IFT140: variants seen among roughly 807,000 people sequenced by gnomAD.
IFT140 encodes intraflagellar transport 140.
A neutral mutation model predicts 164.6 loss-of-function variants in IFT140; 133 were observed. The ratio of observed to expected loss-of-function variants is 0.81; its 90% CI spans 0.70 to 0.93. The LOEUF (loss-of-function observed/expected upper bound fraction) is 0.93, where lower values mean the gene tolerates loss of function less well. IFT140 is among the 40% of genes least tolerant of loss of function. The pLI is 0.00. For synonymous variants in IFT140, 860 were observed against 817.3 expected (o/e 1.05, Z -0.89); for missense variants, 2,045 against 1,972.3 (o/e 1.04, Z -0.70).
At chr16:1,595,537 T>G (rs900174219) in intron 4 of IFT140, among the ~76,000 whole-genome samples, 1 of 146,260 alleles carries the variant, frequency 6.8e-6, no homozygotes, top group Admixed American at 6.9e-5. Context: ...ATCACTTGAA[T>G]CTGGGAGGTG....
At chr16:1,561,435 C>G (rs566213702) in intron 18 of IFT140, among the ~76,000 whole-genome samples, 2 of 152,298 alleles carry the variant, frequency 1.3e-5, no homozygotes, top group South Asian at 4.1e-4. Flanking sequence ...CACGTCCATG[C>G]ATGAGTCACA....
At chr16:1,532,329 C>G (rs1264324600) in intron 19 of IFT140, 2 of 152,322 alleles carry the variant, frequency 1.3e-5, no homozygotes, top group Non-Finnish European at 2.9e-5. Flanking sequence ...CGGGGAAAAT[C>G]CCCCCCAGGC....
chr16:1,524,012 C>A, intron 24 of IFT140, 56 bp from the exon 25 acceptor site: 12 of 1,583,980 alleles, frequency 7.6e-6, no homozygotes, highest in Non-Finnish European at 1.0e-5. Context: ...CCCAGGTCCG[C>A]TGAGATTCTG....
In IFT140 at chr16:1,520,491, A is replaced by G. The variant is rs2040489750; in HGVS notation, c.3660+111T>C. ...GTGGTTGTGCTCTTCCTGGCCAGAA[A>G]GGCTCAGCCCTAGCTTGGGGTCATC... On this transcript the variant is annotated intron_variant, in intron 27 of 30. Coordinates refer to ENST00000426508, the MANE Select transcript of IFT140 (RefSeq NM_014714.4). 4.4e-6 allele frequency: 6 copies of G among 1,367,582 alleles called. No homozygotes were observed. In the East Asian group the frequency reaches 7.4e-5, roughly 17 times the overall value. 84.7% of individuals were successfully genotyped at this position (1,367,582 alleles called of 1,614,324 possible).
chr16:1,567,907 G>A (rs2033806163), intron 15 of IFT140, among the ~76,000 whole-genome samples: 1 of 152,252 alleles, frequency 6.6e-6, no homozygotes, highest in Non-Finnish European at 1.5e-5. Flanking sequence ...AGGCAGGGAT[G>A]AAGAGGAAGC....
At position 1,538,996 on chromosome 16, in the gene IFT140, C is replaced by T. The variant is rs1009727991; in HGVS notation, c.2400-12200G>A. On this transcript the variant is annotated intron_variant, in intron 19 of 30. Transcript: ENST00000426508. Reference sequence around the variant, plus strand: ...CTACCTCAGGCCTCACCAAGCTGCACGGTGCCACGCGGCCCCCCACCTCAG... The same window carrying T: ...CTACCTCAGGCCTCACCAAGCTGCATGGTGCCACGCGGCCCCCCACCTCAG... Among the ~76,000 whole-genome samples, 18 of 152,074 alleles carry T rather than the reference C, an allele frequency of 1.2e-4. 1 individual carries two copies. Among genetic ancestry groups the T allele is most frequent in the Admixed American group, 5.9e-4 (9 of 15,274 alleles).
intron 10 of IFT140, among the ~76,000 whole-genome samples, chr16:1,585,279 G>GC (rs1469841893): frequency 6.6e-6 from 1 of 152,202 alleles, no homozygotes; most frequent in Non-Finnish European, 1.5e-5. Flanking sequence ...ATCTGGAGGG[G>GC]CCTTGAAACC....
chr16:1,518,418 G>A, intron 29 of IFT140, 61 bp from the exon 30 acceptor site: 1 of 1,539,806 alleles, frequency 6.5e-7, no homozygotes, highest in Non-Finnish European at 8.8e-7. Flanking sequence ...GCTATCAGAG[G>A]TCAGAGGAGA....
At chr16:1,555,080 G>T in intron 19 of IFT140, 1 of 1,551,556 alleles carries the variant, frequency 6.4e-7, no homozygotes. Context: ...GAACAGCCTA[G>T]AAACCAAGGG....
intron 30 of IFT140, among the ~76,000 whole-genome samples, chr16:1,517,521 C>T (rs1462149779): frequency 6.6e-6 from 1 of 151,992 alleles, no homozygotes; most frequent in African/African-American, 2.4e-5. Context: ...ACTGTTCACC[C>T]CCTAGGATGG....
chr16:1,560,902 T>C (rs1274696719), intron 18 of IFT140, among the ~76,000 whole-genome samples: 2 of 152,228 alleles, frequency 1.3e-5, no homozygotes, highest in Non-Finnish European at 2.9e-5. Context: ...CTGTGCGTGT[T>C]GTTTGCTGAC....
Position 1,592,173 on chromosome 16 carries a change from C to T in IFT140, c.634+3G>A. 1 of 1,614,124 alleles carries T rather than the reference C, an allele frequency of 6.2e-7. No individual in the cohort carries two copies. The highest frequency in any genetic ancestry group is 1.1e-5 in the South Asian group (1 of 91,074). ...CCTGAGAATCACAACCAAAGTTCCT[C>T]ACCGTCCATCAGACTGACAAAGAAC... On this transcript the variant is annotated splice_donor_region_variant and intron_variant, in intron 6 of 30. Transcript: ENST00000426508.
At chr16:1,567,573 G>A (rs2033787005) in intron 15 of IFT140, among the ~76,000 whole-genome samples, 1 of 152,256 alleles carries the variant, frequency 6.6e-6, no homozygotes, top group Admixed American at 6.5e-5. Context: ...CAGGCAGTGG[G>A]CGGGGTCCTT....
intron 17 of IFT140, 123 bp downstream of exon 17, chr16:1,563,874 G>A (rs1258151081): frequency 1.1e-5 from 11 of 1,027,780 alleles, no homozygotes; most frequent in South Asian, 5.8e-5. Flanking sequence ...GTTCCCTCCC[G>A]CCTTGGCCTC....
At position 1,568,168 on chromosome 16, in the gene IFT140, G is replaced by A. The variant is rs940071153; in HGVS notation, c.1770+49C>T. ...GCAGGCAGGAGGCCTGGCCTGGGAGGACAGAGGTGAGGAGGCGGAGTGGGC... is the reference window on the plus strand; with the variant it reads ...GCAGGCAGGAGGCCTGGCCTGGGAGAACAGAGGTGAGGAGGCGGAGTGGGC... On this transcript the variant is annotated intron_variant, in intron 15 of 30. Coordinates refer to ENST00000426508, the MANE Select transcript of IFT140 (RefSeq NM_014714.4). The A allele has an allele frequency of 2.2e-6, 3 of 1,358,006 alleles. No individual in the cohort carries two copies. The African/African-American group carries it at 4.3e-5, about 20-fold the overall frequency. The allele number at this position is 1,358,006 out of a possible 1,614,324, so 84.1% of individuals were successfully genotyped here. A position where few individuals can be genotyped will look rare whatever the true frequency, so the allele number is the denominator to read the frequency against.
At chr16:1,607,003 T>C (rs1410752849) in intron 3 of IFT140, 117 bp downstream of exon 3, 17 of 968,538 alleles carry the variant, frequency 1.8e-5, no homozygotes, top group Non-Finnish European at 2.6e-5. Context: ...GATGCATGTA[T>C]ACACACACAC....
intron 14 of IFT140, among the ~76,000 whole-genome samples, chr16:1,568,727 C>A (rs927393940): frequency 1.3e-5 from 2 of 152,046 alleles, no homozygotes; most frequent in Non-Finnish European, 2.9e-5. Context: ...GCACTCCAGC[C>A]TGGGCGACAG....
At chr16:1,583,229 C>G in intron 12 of IFT140, 85 bp downstream of exon 12, 1 of 1,196,498 alleles carries the variant, frequency 8.4e-7, no homozygotes, top group Non-Finnish European at 1.2e-6. Context: ...CAGCCCTCAA[C>G]TGCACCACAG....
chr16:1,566,609 G>A (rs530730359), intron 15 of IFT140, among the ~76,000 whole-genome samples: 8 of 152,080 alleles, frequency 5.3e-5, no homozygotes, highest in African/African-American at 1.9e-4. Context: ...TTGCAGGTGC[G>A]GGATAACCGT....
Sources: allele counts gnomAD v4.1 joint callset (sites outside exome capture counted in the v4.1 genomes callset), GRCh38; gene constraint gnomAD v4.1.1; transcripts MANE v1.5; gene names NCBI Gene and HGNC (gene_info 2026-07-23, HGNC 2026-07-21).